UNC79: variants seen among roughly 807,000 people sequenced by gnomAD.
UNC79 encodes the protein protein unc-79 homolog.
Under a neutral mutation model 283.1 loss-of-function variants are expected in UNC79, and 37 were observed. The ratio of observed to expected loss-of-function variants is 0.13; its 90% CI spans 0.10 to 0.17. The LOEUF (loss-of-function observed/expected upper bound fraction) is 0.17. Ranked by LOEUF, UNC79 falls within the 10% of genes least tolerant of loss-of-function variation. The pLI is 1.00. For missense variants in UNC79, 2,272 were observed against 3,211.1 expected (o/e 0.71, Z 7.07); for synonymous variants, 1,107 against 1,200.2 (o/e 0.92, Z 1.61).
At chr14:93,363,746 TCTCA>T (rs1440727483) in intron 1 of UNC79, among the ~76,000 whole-genome samples, 1 of 151,664 alleles carries the variant, frequency 6.6e-6, no homozygotes, top group African/African-American at 2.4e-5. Context: ...TGAGATGGAG[TCTCA>T]CTCTGTTGCC....
intron 33 of UNC79, among the ~76,000 whole-genome samples, chr14:93,641,861 C>A (rs2069067788): frequency 6.6e-6 from 1 of 152,100 alleles, no homozygotes; most frequent in Non-Finnish European, 1.5e-5. Flanking sequence ...ATCATGGGGG[C>A]AGTTTCCCCC....
At chr14:93,611,186 A>C (rs2066275195) in intron 26 of UNC79, among the ~76,000 whole-genome samples, 1 of 152,218 alleles carries the variant, frequency 6.6e-6, no homozygotes. Flanking sequence ...GTTTTATTTG[A>C]ATAATTTTTG....
chr14:93,548,035 A>G (rs2061689253), intron 14 of UNC79, among the ~76,000 whole-genome samples: 1 of 152,050 alleles, frequency 6.6e-6, no homozygotes, highest in Admixed American at 6.6e-5. Flanking sequence ...AACAAAAAAA[A>G]CACAGGAAAT....
intron 39 of UNC79, among the ~76,000 whole-genome samples, chr14:93,660,665 C>T (rs2071500158): frequency 1.3e-5 from 2 of 150,912 alleles, no homozygotes; most frequent in African/African-American, 4.9e-5. Context: ...ACTTGGCTCA[C>T]TGCAGCCTCC....
At chr14:93,618,845 G>A (rs977091801) in intron 29 of UNC79, among the ~76,000 whole-genome samples, 1 of 152,118 alleles carries the variant, frequency 6.6e-6, no homozygotes, top group Non-Finnish European at 1.5e-5. Flanking sequence ...TTGCTGCATA[G>A]GTGTAAGCTA....
intron 1 of UNC79, among the ~76,000 whole-genome samples, chr14:93,335,381 C>T (rs1350199319): frequency 6.6e-6 from 1 of 152,228 alleles, no homozygotes; most frequent in Non-Finnish European, 1.5e-5. Context: ...GTATCCAGTA[C>T]CATGTGCCAA....
intron 27 of UNC79, among the ~76,000 whole-genome samples, chr14:93,615,802 A>C (rs2066681783): frequency 6.6e-6 from 1 of 151,426 alleles, no homozygotes; most frequent in South Asian, 2.1e-4. Context: ...TTAAAAATTA[A>C]ATTTTTATAT....
intron 1 of UNC79, among the ~76,000 whole-genome samples, chr14:93,401,372 C>G (rs541346781): frequency 1.3e-5 from 2 of 152,262 alleles, no homozygotes; most frequent in East Asian, 1.9e-4. Flanking sequence ...ATGTTTTGAG[C>G]CTTTAACTCA....
At chr14:93,510,126 C>T (rs2059749949) in intron 7 of UNC79, among the ~76,000 whole-genome samples, 1 of 152,174 alleles carries the variant, frequency 6.6e-6, no homozygotes, top group Non-Finnish European at 1.5e-5. Context: ...CCCTTTTAGC[C>T]ACAGCTGGAG....
Position 93,654,001 on chromosome 14 carries a change from C to T in UNC79, c.6258C>T (p.Ile2086=), listed in dbSNP as rs144729854. Reference sequence around the variant, plus strand: ...TGGACTTCAATGAGCTGAGCTCCATCGCAGCTCTCAGTCAGCTCCTAGAGG... The same window carrying T: ...TGGACTTCAATGAGCTGAGCTCCATTGCAGCTCTCAGTCAGCTCCTAGAGG... Residue 2086 remains isoleucine (I), a synonymous_variant, in exon 37 of 49, where the codon ATC becomes ATT. Transcript: ENST00000555664. 111 of 1,613,980 alleles carry T rather than the reference C, an allele frequency of 6.9e-5. No individual in the cohort carries two copies. In the African/African-American group the frequency reaches 1.0e-3, roughly 15 times the overall value.
At chr14:93,401,251 A>G (rs1840164865) in intron 1 of UNC79, among the ~76,000 whole-genome samples, 1 of 152,226 alleles carries the variant, frequency 6.6e-6, no homozygotes, top group Non-Finnish European at 1.5e-5. Flanking sequence ...TAGAAAAAAG[A>G]TGAAAATTCC....
Position 93,617,007 on chromosome 14 carries a change from TTAAA to T in UNC79, c.4042-112_4042-109del. On this transcript the variant is annotated intron_variant, in intron 27 of 48. Coordinates refer to ENST00000555664, the Ensembl canonical transcript of UNC79. This position sits in a 1 kb window ranked among gnomAD's most constrained non-coding sequence, Gnocchi z 4.5. Reference sequence around the variant, plus strand: ...CTTTTAATATTCTGTGGGATGCCTGTTAAATATTTTGCCTGTTAAAAATTTTAAC... The same window carrying T: ...CTTTTAATATTCTGTGGGATGCCTGTTATTTTGCCTGTTAAAAATTTTAAC... The T allele has an allele frequency of 3.5e-6, 3 of 869,186 alleles. No individual in the cohort carries two copies. The highest frequency in any genetic ancestry group is 5.2e-6 in the Non-Finnish European group (3 of 580,358). The allele number at this position is 869,186 out of a possible 1,614,324, so 53.8% of individuals were successfully genotyped here.
At chr14:93,589,833 T>G (rs2064524683) in intron 22 of UNC79, among the ~76,000 whole-genome samples, 1 of 151,532 alleles carries the variant, frequency 6.6e-6, no homozygotes, top group Admixed American at 6.6e-5. Context: ...AAAATAGAGG[T>G]GGGAGGATCA....
chr14:93,642,248 C>T (rs967577883), intron 33 of UNC79, among the ~76,000 whole-genome samples: 1 of 151,796 alleles, frequency 6.6e-6, no homozygotes, highest in South Asian at 2.1e-4. Flanking sequence ...CATGGTGAAA[C>T]CCTGTCTCTA....
intron 1 of UNC79, among the ~76,000 whole-genome samples, chr14:93,391,667 AAT>A (rs1176842744): frequency 6.6e-6 from 1 of 152,170 alleles, no homozygotes; most frequent in Non-Finnish European, 1.5e-5. Context: ...GGCCTCAAGT[AAT>A]CCTCCCACCT....
chr14:93,612,256 T>C (rs2066367835), intron 26 of UNC79, among the ~76,000 whole-genome samples: 1 of 152,236 alleles, frequency 6.6e-6, no homozygotes, highest in African/African-American at 2.4e-5. Context: ...AAAGAGTGCC[T>C]ATTGCTAATA....
intron 24 of UNC79, among the ~76,000 whole-genome samples, chr14:93,599,413 A>G (rs2065334010): frequency 6.6e-6 from 1 of 151,872 alleles, no homozygotes; most frequent in African/African-American, 2.4e-5. Flanking sequence ...CTCCCAATCC[A>G]GTGTAAACTT....
rs543873338 is a variant in UNC79, at chr14:93,531,361, A to G, written c.1094-1189A>G. Among the ~76,000 whole-genome samples the G allele has an allele frequency of 6.6e-6, 1 of 152,242 alleles. No homozygotes were observed. Among genetic ancestry groups the G allele is most frequent in the African/African-American group, 2.4e-5 (1 of 41,464 alleles). On this transcript the variant is annotated intron_variant, in intron 10 of 48. Coordinates refer to ENST00000555664, the Ensembl canonical transcript of UNC79. This position sits in a 1 kb window ranked among gnomAD's most constrained non-coding sequence, Gnocchi z 4.2. Reference sequence around the variant, plus strand: ...CATTTACCTTTGATCTTTTAAATAAATTGTAACATAGACTATAAATAAGGT... The same window carrying G: ...CATTTACCTTTGATCTTTTAAATAAGTTGTAACATAGACTATAAATAAGGT...
At chr14:93,698,212 T>C (rs1266262874) in intron 47 of UNC79, among the ~76,000 whole-genome samples, 1 of 152,174 alleles carries the variant, frequency 6.6e-6, no homozygotes, top group Non-Finnish European at 1.5e-5. Context: ...TGTTGTTGCT[T>C]GGAGTTTCCT....
Sources: gnomAD v4.1 joint callset for allele counts (sites outside exome capture counted in the v4.1 genomes callset) on GRCh38, gnomAD v4.1.1 for gene constraint, Gnocchi (gnomAD v3.1) non-coding constraint, MANE v1.5 for transcripts, NCBI Gene and HGNC (gene_info 2026-07-23, HGNC 2026-07-21) for gene names.